OGFOD3: variants seen among roughly 807,000 people sequenced by gnomAD.
OGFOD3 encodes 2-oxoglutarate and iron dependent oxygenase domain containing 3, also known as 2-oxoglutarate and iron-dependent oxygenase domain-containing protein 3.
OGFOD3 carries 35 observed loss-of-function variants against 39.8 expected under a neutral mutation model. The observed-to-expected ratio is 0.88, with a 90% CI of 0.67 to 1.17. The LOEUF (loss-of-function observed/expected upper bound fraction) is 1.17, where lower values mean the gene tolerates loss of function less well. Ranked by LOEUF, OGFOD3 falls within the 50% of genes most tolerant of loss-of-function variation. The probability of loss-of-function intolerance (pLI) is 0.00; values close to 1 mark genes in which losing one functional copy is unlikely to be tolerated. For missense variants in OGFOD3, 438 were observed against 454.5 expected (o/e 0.96, Z 0.33); for synonymous variants, 200 against 192.0 (o/e 1.04, Z -0.34).
chr17:82,393,427 G>A (rs1312100590), intron 8 of OGFOD3: 1 of 152,244 alleles, frequency 6.6e-6, no homozygotes, highest in Non-Finnish European at 1.5e-5. Context: ...CTTCAAGAGG[G>A]AGTCAGTTGC....
In OGFOD3 at chr17:82,392,315, C is replaced by T. The variant is rs1044470036; in HGVS notation, c.*83G>A. On this transcript the variant is annotated 3_prime_UTR_variant, in exon 9 of 9. Transcript: ENST00000313056. This position sits in a 1 kb window ranked among gnomAD's most constrained non-coding sequence, Gnocchi z 4.2. ...CCTAAGGCACTCTGTGCAACAGGAG[C>T]GGGTGGACGTGGGGGTGGGTGCACG... The T allele has an allele frequency of 1.0e-5, 15 of 1,439,594 alleles. No individual in the cohort carries two copies. The highest frequency in any genetic ancestry group is 2.4e-5 in the East Asian group (1 of 41,284). The allele number at this position is 1,439,594 out of a possible 1,614,324, so 89.2% of individuals were successfully genotyped here. A position where few individuals can be genotyped will look rare whatever the true frequency, so the allele number is the denominator to read the frequency against.
At chr17:82,401,832 G>T (rs902371835) in intron 7 of OGFOD3, among the ~76,000 whole-genome samples, 5 of 118,696 alleles carry the variant, frequency 4.2e-5, no homozygotes, top group Non-Finnish European at 8.7e-5. Flanking sequence ...AACAAAGACT[G>T]CCCTTGAAGA....
At chr17:82,413,281 C>T (rs561347504) in intron 2 of OGFOD3, among the ~76,000 whole-genome samples, 1 of 152,260 alleles carries the variant, frequency 6.6e-6, no homozygotes, top group African/African-American at 2.4e-5. Context: ...GGGTCCCCCG[C>T]GGCACAGGAG....
At chr17:82,417,844 C>T (rs530427113) in intron 1 of OGFOD3, among the ~76,000 whole-genome samples, 37 of 152,104 alleles carry the variant, frequency 2.4e-4, no homozygotes, top group African/African-American at 8.4e-4. Context: ...GGGCACTCCC[C>T]AAAAGAGCAA....
At chr17:82,408,934 A>T (rs756370562) in intron 4 of OGFOD3, among the ~76,000 whole-genome samples, 4 of 152,206 alleles carry the variant, frequency 2.6e-5, no homozygotes, top group Non-Finnish European at 5.9e-5. Flanking sequence ...GGAGGCGTCC[A>T]GCTAGGAAGT....
At chr17:82,418,350 C>T in intron 1 of OGFOD3, 62 bp downstream of exon 1, 1 of 1,061,398 alleles carries the variant, frequency 9.4e-7, no homozygotes. Flanking sequence ...CAGCCCCAGT[C>T]CCGCCCACTC....
At chr17:82,416,448 AG>A (rs920550220) in intron 1 of OGFOD3, among the ~76,000 whole-genome samples, 40 of 152,178 alleles carry the variant, frequency 2.6e-4, no homozygotes, top group African/African-American at 8.4e-4. Context: ...GGTTGTTTCC[AG>A]GGTGGGGCGG....
Position 82,415,577 on chromosome 17 carries a change from GGCCTCTGCCACA to G in OGFOD3, c.113_124del (p.Leu38_Arg41del), listed in dbSNP as rs965471170. 4 of 1,613,274 alleles carry G rather than the reference GGCCTCTGCCACA, an allele frequency of 2.5e-6. No homozygotes were observed. The highest frequency in any genetic ancestry group is 3.3e-5 in the Admixed American group (2 of 59,974). ...CCCCAGGCCCGCGGTCCTTAGCCAC[GGCCTCTGCCACA>G]GCCTCTGCACCTCCCGCGGGGCTCG... On this transcript the variant is annotated inframe_deletion, in exon 2 of 9. Coordinates refer to ENST00000313056, the MANE Select transcript of OGFOD3 (RefSeq NM_024648.3). This position sits in a 1 kb window ranked among gnomAD's most constrained non-coding sequence, Gnocchi z 5.3.
chr17:82,406,622 G>T lies in OGFOD3; in HGVS notation c.424-140C>A. The T allele has an allele frequency of 1.4e-6, 1 of 729,992 alleles. No individual in the cohort carries two copies. Among genetic ancestry groups the T allele is most frequent in the Non-Finnish European group, 2.4e-6 (1 of 416,874 alleles). The allele number at this position is 729,992 out of a possible 1,614,324, so 45.2% of individuals were successfully genotyped here. ...TTTTTTGTTTTTGTTTTTGTTTTTT[G>T]TAAAAAGGATCTTATTCTGTTGCCC... On this transcript the variant is annotated intron_variant, in intron 4 of 8. Transcript: ENST00000313056. This position sits in a 1 kb window ranked among gnomAD's most constrained non-coding sequence, Gnocchi z 5.2.
intron 6 of OGFOD3, 129 bp downstream of exon 6, chr17:82,405,195 C>A: frequency 1.3e-6 from 1 of 754,268 alleles, no homozygotes; most frequent in Non-Finnish European, 2.2e-6. Flanking sequence ...CATGAGAACT[C>A]ACTTCTGCAG....
intron 3 of OGFOD3, 82 bp downstream of exon 3, chr17:82,411,373 C>T: frequency 1.5e-6 from 2 of 1,291,090 alleles, no homozygotes; most frequent in Non-Finnish European, 2.2e-6. Context: ...CACTTTATTA[C>T]TAACAATGCT....
At chr17:82,418,254 T>A (rs7220204) in intron 1 of OGFOD3, 158 bp downstream of exon 1, 50,801 of 318,458 alleles carry the variant, frequency 0.16, 7,081 homozygotes, top group East Asian at 0.52. Flanking sequence ...CAGCATGGGC[T>A]GCGGTAGACC....
chr17:82,390,100 T>C lies in OGFOD3; in HGVS notation c.*2298A>G, dbSNP rs2052583153. ...GTATCTCTGTGATTATCATGAATAG[T>C]GTAAGTAGCCAAGAATGAAAATCAA... On this transcript the variant is annotated 3_prime_UTR_variant, in exon 9 of 9. Coordinates refer to ENST00000313056, the MANE Select transcript of OGFOD3 (RefSeq NM_024648.3). The surrounding 1 kb of genome is among the most constrained non-coding windows in gnomAD (Gnocchi z 4.9). 1 of 152,228 alleles carries C rather than the reference T, an allele frequency of 6.6e-6. No individual in the cohort carries two copies. Among genetic ancestry groups the C allele is most frequent in the Admixed American group, 6.5e-5 (1 of 15,278 alleles). The allele number at this position is 152,228 out of a possible 1,614,324, so 9.4% of individuals were successfully genotyped here.
chr17:82,403,352 C>G (rs1029439171), intron 7 of OGFOD3, among the ~76,000 whole-genome samples: 3 of 152,074 alleles, frequency 2.0e-5, no homozygotes, highest in African/African-American at 7.2e-5. Context: ...CTTACACCCA[C>G]CGGGCATGGT....
Position 82,418,400 on chromosome 17 carries a change from CCTCACCG to C in OGFOD3, c.74+5_74+11del. 6.8e-7 allele frequency: 1 copy of C among 1,475,552 alleles called. No homozygotes were observed. The highest frequency in any genetic ancestry group is 1.3e-5 in the South Asian group (1 of 79,146). 91.4% of individuals were successfully genotyped at this position (1,475,552 alleles called of 1,614,324 possible). On this transcript the variant is annotated splice_donor_5th_base_variant and intron_variant, in intron 1 of 8. Transcript: ENST00000313056. ...CCGCCGCAGCGCGCGCCCTTCCCCT[CCTCACCG>C]CTACCTGCTCCGGTTCCGGCGCTCG...
At chr17:82,407,047 A>G (rs1361262784) in intron 4 of OGFOD3, among the ~76,000 whole-genome samples, 3 of 152,128 alleles carry the variant, frequency 2.0e-5, no homozygotes, top group Non-Finnish European at 4.4e-5. Context: ...GTGAAACCCC[A>G]TGTCTACTAA....
intron 4 of OGFOD3, among the ~76,000 whole-genome samples, chr17:82,407,119 C>T (rs2052868099): frequency 6.6e-6 from 1 of 152,052 alleles, no homozygotes; most frequent in Non-Finnish European, 1.5e-5. Flanking sequence ...GGGACACCTA[C>T]AGAGATAGCC....
chr17:82,393,432 A>G (rs2052623799), intron 8 of OGFOD3: 1 of 152,270 alleles, frequency 6.6e-6, no homozygotes, highest in Non-Finnish European at 1.5e-5. Flanking sequence ...AGAGGGAGTC[A>G]GTTGCACTGT....
In OGFOD3 at chr17:82,399,401, G is replaced by A. The variant is rs377327961; in HGVS notation, c.700-1082C>T. ...GTGGGAACCAGAGGCAGCGGTGGACGCGCTTTTCTCCTTTCTTCAGAAGTG... is the reference window on the plus strand; with the variant it reads ...GTGGGAACCAGAGGCAGCGGTGGACACGCTTTTCTCCTTTCTTCAGAAGTG... On this transcript the variant is annotated intron_variant, in intron 7 of 8. Transcript: ENST00000313056. Among the ~76,000 whole-genome samples, 5 of 152,324 alleles carry A rather than the reference G, an allele frequency of 3.3e-5. No homozygotes were observed. The South Asian group carries it at 6.2e-4, about 19-fold the overall frequency.
Sources: allele counts gnomAD v4.1 joint callset (sites outside exome capture counted in the v4.1 genomes callset), GRCh38; gene constraint gnomAD v4.1.1; non-coding constraint Gnocchi (gnomAD v3.1); transcripts MANE v1.5; gene names NCBI Gene and HGNC (gene_info 2026-07-23, HGNC 2026-07-21).